EXOC4: variants seen among roughly 807,000 people sequenced by gnomAD.
EXOC4 encodes SEC8-like 1.
Under a neutral mutation model 107.2 loss-of-function variants are expected in EXOC4, and 71 were observed. The observed-to-expected ratio is 0.66, with a 90% CI of 0.55 to 0.81. The LOEUF is 0.81. Among genes scored for constraint, EXOC4 ranks in the 30% least tolerant of loss-of-function variants. The pLI, the probability that EXOC4 is intolerant of heterozygous loss-of-function variation, is 0.00. For synonymous variants in EXOC4, 456 were observed against 441.2 expected, an observed-to-expected ratio of 1.03 and a Z score of -0.42; for missense variants, 1,108 against 1,189.6, an observed-to-expected ratio of 0.93 and a Z score of 1.01.
At chr7:133,346,690 C>A (rs1266096807) in intron 5 of EXOC4, among the ~76,000 whole-genome samples, 1 of 151,936 alleles carries the variant, frequency 6.6e-6, no homozygotes, top group Non-Finnish European at 1.5e-5. Flanking sequence ...TTGAACATTC[C>A]TTTTTATATT....
At chr7:133,938,456 A>G (rs1800354479) in intron 14 of EXOC4, among the ~76,000 whole-genome samples, 1 of 152,240 alleles carries the variant, frequency 6.6e-6, no homozygotes, top group Non-Finnish European at 1.5e-5. Flanking sequence ...TGCACAGCTG[A>G]CATTCTCATT....
At chr7:133,897,617 C>T (rs1178973463) in intron 12 of EXOC4, among the ~76,000 whole-genome samples, 1 of 151,854 alleles carries the variant, frequency 6.6e-6, no homozygotes, top group African/African-American at 2.4e-5. Context: ...AAAACATATC[C>T]AGCTGTTAAA....
intron 10 of EXOC4, among the ~76,000 whole-genome samples, chr7:133,746,800 C>T (rs1795686512): frequency 6.6e-6 from 1 of 152,158 alleles, no homozygotes; most frequent in Non-Finnish European, 1.5e-5. Flanking sequence ...AGATGCAGCC[C>T]ATCTTTCTCG....
chr7:133,313,552 A>G (rs948044686), intron 4 of EXOC4, among the ~76,000 whole-genome samples: 1 of 152,230 alleles, frequency 6.6e-6, no homozygotes, highest in South Asian at 2.1e-4. Flanking sequence ...AAAATTAGCC[A>G]AATGAGTTGC....
chr7:133,656,796 T>C (rs1585058477), intron 10 of EXOC4, among the ~76,000 whole-genome samples: 1 of 152,206 alleles, frequency 6.6e-6, no homozygotes, highest in African/African-American at 2.4e-5. Flanking sequence ...TGAAATGATA[T>C]AGTATAGCTT....
At chr7:134,098,874 G>C in the EXOC4 span, among the ~76,000 whole-genome samples, 2 of 152,230 alleles carry the variant, frequency 1.3e-5, no homozygotes, top group Admixed American at 1.3e-4. Context: ...TGCAAAGCCA[G>C]TGTTTTGTGC....
chr7:133,700,055 T>A (rs1794623441), intron 10 of EXOC4, among the ~76,000 whole-genome samples: 1 of 152,182 alleles, frequency 6.6e-6, no homozygotes, highest in Non-Finnish European at 1.5e-5. Flanking sequence ...AAAACCTGCA[T>A]TTGCCCAGCT....
intron 17 of EXOC4, among the ~76,000 whole-genome samples, chr7:134,021,527 T>A (rs191654484): frequency 1.3e-5 from 2 of 152,256 alleles, no homozygotes; most frequent in East Asian, 3.9e-4. Context: ...AGTTTTCCAA[T>A]TGATGGAAAG....
intron 5 of EXOC4, among the ~76,000 whole-genome samples, chr7:133,337,525 A>G (rs1795545737): frequency 6.6e-6 from 1 of 151,250 alleles, no homozygotes; most frequent in African/African-American, 2.4e-5. Flanking sequence ...CATTTCATCT[A>G]ATTTTTCAAT....
chr7:133,605,774 A>C (rs1397599163), intron 9 of EXOC4, among the ~76,000 whole-genome samples: 1 of 152,162 alleles, frequency 6.6e-6, no homozygotes, highest in Non-Finnish European at 1.5e-5. Flanking sequence ...TTGAGGAGTC[A>C]TTAGCATATA....
At chr7:133,324,559 A>C (rs1050493846) in intron 5 of EXOC4, among the ~76,000 whole-genome samples, 26 of 152,154 alleles carry the variant, frequency 1.7e-4, no homozygotes, top group African/African-American at 6.3e-4. Flanking sequence ...ATTCGATTGC[A>C]CTGTTGTCTG....
chr7:133,943,410 T>C (rs1383443277), intron 14 of EXOC4, among the ~76,000 whole-genome samples: 1 of 152,194 alleles, frequency 6.6e-6, no homozygotes, highest in Non-Finnish European at 1.5e-5. Flanking sequence ...TGTGATCAAA[T>C]AGACTTGGAA....
At chr7:133,445,073 G>A (rs571087784) in intron 7 of EXOC4, among the ~76,000 whole-genome samples, 2 of 152,162 alleles carry the variant, frequency 1.3e-5, no homozygotes, top group Admixed American at 6.5e-5. Flanking sequence ...TTTCTGGACC[G>A]TATGTGTACT....
At chr7:133,678,619 C>G (rs879307590) in intron 10 of EXOC4, among the ~76,000 whole-genome samples, 1 of 132,440 alleles carries the variant, frequency 7.6e-6, no homozygotes, top group African/African-American at 2.8e-5. Context: ...TTTTTTTTTT[C>G]TTCTTTGTTG....
chr7:133,863,476 A>C (rs1329678542), intron 11 of EXOC4, among the ~76,000 whole-genome samples: 1 of 152,180 alleles, frequency 6.6e-6, no homozygotes, highest in Non-Finnish European at 1.5e-5. Flanking sequence ...TCATTATATA[A>C]AGTTCAAAAA....
At chr7:133,480,464 C>T in intron 9 of EXOC4, 1 of 1,109,880 alleles carries the variant, frequency 9.0e-7, no homozygotes. Context: ...GCCACTGTTA[C>T]TTCTAATTGT....
At chr7:133,776,788 C>A (rs1796354458) in intron 10 of EXOC4, among the ~76,000 whole-genome samples, 1 of 152,126 alleles carries the variant, frequency 6.6e-6, no homozygotes, top group Non-Finnish European at 1.5e-5. Context: ...AATGGATGAT[C>A]TTAACAAAGT....
At chr7:134,098,391 C>T in the EXOC4 span, among the ~76,000 whole-genome samples, 13 of 152,160 alleles carry the variant, frequency 8.5e-5, no homozygotes, top group African/African-American at 1.7e-4. Context: ...GTGCTCACAT[C>T]AGTCATGATA....
chr7:133,468,734 G>T (rs1798795946), intron 7 of EXOC4, among the ~76,000 whole-genome samples: 1 of 152,140 alleles, frequency 6.6e-6, no homozygotes, highest in Admixed American at 6.5e-5. Context: ...GTGCTCCGTT[G>T]TTTCTTCCAG....
Sources: gnomAD v4.1 joint callset for allele counts (sites outside exome capture counted in the v4.1 genomes callset) on GRCh38, gnomAD v4.1.1 for gene constraint, MANE v1.5 for transcripts, NCBI Gene and HGNC (gene_info 2026-07-23, HGNC 2026-07-21) for gene names.